Variants in LRIG3 observed in about 807,000 individuals in gnomAD.
LRIG3 encodes leucine-rich repeats and immunoglobulin-like domains protein 3.
A neutral mutation model predicts 114.5 loss-of-function variants in LRIG3; 76 were observed. That is an observed-to-expected ratio of 0.66 (90% CI 0.55 to 0.80). LRIG3 has a LOEUF of 0.80. Ranked by LOEUF, LRIG3 falls within the 30% of genes least tolerant of loss-of-function variation. LRIG3 has a pLI of 0.00. For synonymous variants in LRIG3, 512 were observed against 519.8 expected, an observed-to-expected ratio of 0.98 and a Z score of 0.20; for missense variants, 1,239 against 1,382.8, an observed-to-expected ratio of 0.90 and a Z score of 1.65.
intron 3 of LRIG3, chr12:58,913,717 G>A (rs12309318): frequency 0.016 from 6,380 of 400,958 alleles, 340 homozygotes; most frequent in African/African-American, 0.12. Context: ...TTTCTATGGT[G>A]TAAAGCTGGC....
In LRIG3 at chr12:58,880,693, G is replaced by A; in HGVS notation, c.1689C>T (p.Thr563=). The A allele has an allele frequency of 6.2e-7, 1 of 1,614,208 alleles. No individual in the cohort carries two copies. The highest frequency in any genetic ancestry group is 8.5e-7 in the Non-Finnish European group (1 of 1,180,042). ...RAQGGEVMEY[T]TILRLREVEF... ...CCACCTCGCGCAGCCGAAGGATGGT[G>A]GTATACTCCATCACCTCGCCACCTT... The change falls in exon 13 of 19, where the codon ACC becomes ACT. Residue 563 remains threonine, a synonymous_variant. Transcript: ENST00000320743.
At chr12:58,913,660 G>A (rs1302135611) in intron 3 of LRIG3, 6 of 207,496 alleles carry the variant, frequency 2.9e-5, no homozygotes, top group Non-Finnish European at 3.8e-5. Flanking sequence ...ACCATTGAGC[G>A]ATACTAAAAT....
chr12:58,912,110 T>A (rs1207373057), intron 3 of LRIG3, among the ~76,000 whole-genome samples: 5 of 152,120 alleles, frequency 3.3e-5, no homozygotes, highest in Non-Finnish European at 7.4e-5. Flanking sequence ...ACAAAAACAA[T>A]ATGGAGAAGA....
chr12:58,873,729 C>T (rs111459195), intron 18 of LRIG3: 637 of 372,462 alleles, frequency 1.7e-3, no homozygotes, highest in Middle Eastern at 3.9e-3. Flanking sequence ...CCCCAAAGGC[C>T]GTGGGAGCCC....
rs201919653 is a variant in LRIG3 at position 58,899,653 on chromosome 12, A to C, written c.384-8857T>G. Among the ~76,000 whole-genome samples, 7 of 151,858 alleles carry C rather than the reference A, an allele frequency of 4.6e-5. No homozygotes were observed. In the East Asian group the frequency reaches 1.2e-3, roughly 25 times the overall value. On this transcript the variant is annotated intron_variant, in intron 3 of 18. Transcript: ENST00000320743. ...TCCTTTCTCCTTCCATTTATCTCTG[A>C]TTCTCATTTCTCATTTGTTTCAAAC...
rs778357590 is a variant in LRIG3 at position 58,872,735 on chromosome 12, G to C, written c.3197C>G (p.Ala1066Gly). Residue 1066 changes from alanine to glycine, a missense_variant, in exon 19 of 19, where the codon GCC (alanine) becomes GGC (glycine). Coordinates refer to ENST00000320743, the MANE Select transcript of LRIG3 (RefSeq NM_153377.5). Reference protein sequence around the residue: ...FGQPSDCQPRAFYLKAHSSPD... With the variant: ...FGQPSDCQPRGFYLKAHSSPD... The stretch of plus-strand genomic sequence containing the variant: ...GGAAGAATGAGCTTTCAAATAAAAG[G>C]CTCTTGGCTGACAATCTGATGGCTG... The C allele has an allele frequency of 1.2e-6, 2 of 1,614,050 alleles. No homozygotes were observed. Among genetic ancestry groups the C allele is most frequent in the Admixed American group, 1.7e-5 (1 of 60,020 alleles).
chr12:58,881,012 T>C, intron 12 of LRIG3, 111 bp from the exon 13 acceptor site: 1 of 1,010,668 alleles, frequency 9.9e-7, no homozygotes, highest in Non-Finnish European at 1.5e-6. Context: ...GTTTTACCCT[T>C]TGTGTATGTT....
At chr12:58,874,682 C>G in intron 16 of LRIG3, 109 bp from the exon 17 acceptor site, 4 of 1,425,068 alleles carry the variant, frequency 2.8e-6, no homozygotes. Flanking sequence ...ACTAGAACAT[C>G]ATATAGACAA....
chr12:58,918,776 TA>T (rs1263814858), intron 1 of LRIG3, among the ~76,000 whole-genome samples: 1 of 152,186 alleles, frequency 6.6e-6, no homozygotes, highest in Non-Finnish European at 1.5e-5. Flanking sequence ...TAAAAACTAC[TA>T]AATAAAACGT....
intron 6 of LRIG3, 90 bp from the exon 7 acceptor site, chr12:58,888,562 T>A: frequency 6.7e-7 from 1 of 1,499,424 alleles, no homozygotes; most frequent in Non-Finnish European, 9.0e-7. Flanking sequence ...TATTACAGAT[T>A]CCTATTGTTA....
intron 1 of LRIG3, among the ~76,000 whole-genome samples, chr12:58,916,775 T>C (rs189688528): frequency 6.6e-6 from 1 of 152,070 alleles, no homozygotes; most frequent in Non-Finnish European, 1.5e-5. Flanking sequence ...ACTCTTTCTA[T>C]ATGGTTAGAC....
At chr12:58,919,021 CA>C (rs1872575591) in intron 1 of LRIG3, among the ~76,000 whole-genome samples, 1 of 152,190 alleles carries the variant, frequency 6.6e-6, no homozygotes, top group African/African-American at 2.4e-5. Flanking sequence ...ATTTTCATTG[CA>C]ATTCTGCTAA....
At chr12:58,919,656 T>A (rs1872600634) in intron 1 of LRIG3, 17 of 1,327,278 alleles carry the variant, frequency 1.3e-5, no homozygotes, top group Non-Finnish European at 1.6e-5. Context: ...GCCGCTTATC[T>A]CCCCTGGGCC....
At position 58,877,494 on chromosome 12, in the gene LRIG3, G is replaced by A. The variant is rs766387053; in HGVS notation, c.2442C>T (p.Ala814=). ...ACGTGCCCACCACACAGCAAACCAC[G>A]GCTATGATCACGACACCCACAGTGG... The part of the protein sequence containing the change: ...GWATVGVVII[A]VVCCVVGTSL... The change falls in exon 15 of 19, where the codon GCC becomes GCT. Residue 814 remains alanine (A), a synonymous_variant. Transcript: ENST00000320743. 5.6e-6 allele frequency: 9 copies of A among 1,614,060 alleles called. No individual in the cohort carries two copies. The highest frequency in any genetic ancestry group is 2.2e-5 in the South Asian group (2 of 91,084).
At position 58,894,170 on chromosome 12, in the gene LRIG3, A is replaced by C. The variant is rs1871553622; in HGVS notation, c.384-3374T>G. Among the ~76,000 whole-genome samples the C allele has an allele frequency of 1.3e-5, 2 of 152,204 alleles. 1 individual carries two copies. Among genetic ancestry groups the C allele is most frequent in the African/African-American group, 4.8e-5 (2 of 41,448 alleles). ...AAAGTATGCTCCAGCCAAAGCCAGC[A>C]ATTTCCTGAACTGCACACCTCCTAA... On this transcript the variant is annotated intron_variant, in intron 3 of 18. Coordinates refer to ENST00000320743, the MANE Select transcript of LRIG3 (RefSeq NM_153377.5).
intron 3 of LRIG3, among the ~76,000 whole-genome samples, chr12:58,891,454 G>T (rs939578386): frequency 2.0e-5 from 3 of 152,042 alleles, no homozygotes; most frequent in Non-Finnish European, 4.4e-5. Context: ...AATGGTATAC[G>T]AAATGCCTAA....
At chr12:58,900,742 T>C (rs894732177) in intron 3 of LRIG3, among the ~76,000 whole-genome samples, 1 of 152,220 alleles carries the variant, frequency 6.6e-6, no homozygotes, top group African/African-American at 2.4e-5. Context: ...ACACATTCAG[T>C]TAAACTAATT....
chr12:58,891,486 A>G (rs886310906), intron 3 of LRIG3, among the ~76,000 whole-genome samples: 1 of 152,166 alleles, frequency 6.6e-6, no homozygotes, highest in Non-Finnish European at 1.5e-5. Context: ...CATACCAGGC[A>G]CTCATGAGTT....
In LRIG3 at chr12:58,920,276, C is replaced by A; in HGVS notation, c.-41G>T. On this transcript the variant is annotated 5_prime_UTR_variant, in exon 1 of 19. Coordinates refer to ENST00000320743, the MANE Select transcript of LRIG3 (RefSeq NM_153377.5). ...TAGGTCTCTACCCGAAGCTCCCAGC[C>A]GGCGCGCGCTCGGGGCCCGGCACAA... The A allele has an allele frequency of 1.5e-6, 2 of 1,301,042 alleles. No individual in the cohort carries two copies. Among genetic ancestry groups the A allele is most frequent in the South Asian group, 4.5e-5 (2 of 44,106 alleles). 80.6% of individuals were successfully genotyped at this position (1,301,042 alleles called of 1,614,324 possible).
Sources: gnomAD v4.1 joint callset for allele counts (sites outside exome capture counted in the v4.1 genomes callset) on GRCh38, gnomAD v4.1.1 for gene constraint, MANE v1.5 for transcripts, NCBI Gene and HGNC (gene_info 2026-07-23, HGNC 2026-07-21) for gene names.